Variants in COL19A1 observed in about 807,000 individuals in gnomAD.
COL19A1 encodes collagen alpha-1(XIX) chain.
COL19A1 carries 159 observed loss-of-function variants against 190.2 expected under a neutral mutation model. That is an observed-to-expected ratio of 0.84 (90% confidence interval 0.73 to 0.95). The LOEUF (loss-of-function observed/expected upper bound fraction) is 0.95. COL19A1 is among the 40% of genes least tolerant of loss of function. The probability of loss-of-function intolerance (pLI) is 0.00; values close to 1 mark genes in which losing one functional copy is unlikely to be tolerated. For missense variants in COL19A1, 1,418 were observed against 1,431.9 expected (o/e 0.99, Z 0.16); for synonymous variants, 509 against 458.9 (o/e 1.11, Z -1.39).
chr6:70,165,810 C>A, intron 36 of COL19A1, 131 bp from the exon 37 acceptor site: 1 of 843,602 alleles, frequency 1.2e-6, no homozygotes, highest in Non-Finnish European at 2.0e-6. Context: ...CTGAATAAGA[C>A]TACAAGGCTG....
At chr6:70,045,886 T>C (rs1339941845) in intron 14 of COL19A1, among the ~76,000 whole-genome samples, 1 of 152,202 alleles carries the variant, frequency 6.6e-6, no homozygotes, top group Non-Finnish European at 1.5e-5. Flanking sequence ...AACAGAAAAC[T>C]GACTCCATGC....
chr6:70,092,805 A>G (rs1783011503), intron 15 of COL19A1, among the ~76,000 whole-genome samples: 1 of 152,168 alleles, frequency 6.6e-6, no homozygotes, highest in African/African-American at 2.4e-5. Context: ...GTAACTCAGA[A>G]ATACTGAAAC....
At chr6:70,176,339 A>G (rs944211343) in intron 41 of COL19A1, among the ~76,000 whole-genome samples, 181 bp from the exon 42 acceptor site, 5 of 152,062 alleles carry the variant, frequency 3.3e-5, no homozygotes, top group African/African-American at 9.7e-5. Flanking sequence ...TCAGTTGTCA[A>G]TTAGCTACTC....
At chr6:70,082,079 T>C (rs1157518652) in intron 15 of COL19A1, among the ~76,000 whole-genome samples, 1 of 152,188 alleles carries the variant, frequency 6.6e-6, no homozygotes, top group African/African-American at 2.4e-5. Context: ...ATTTAACAAG[T>C]TTGATAAAAC....
intron 11 of COL19A1, 142 bp downstream of exon 11, chr6:69,963,012 T>C (rs909235849): frequency 1.9e-5 from 10 of 533,558 alleles, no homozygotes; most frequent in African/African-American, 1.2e-4. Flanking sequence ...TTTGCTTCCA[T>C]TGAGGTAGAA....
intron 16 of COL19A1, among the ~76,000 whole-genome samples, chr6:70,106,638 T>C (rs1783988855): frequency 1.3e-5 from 2 of 152,200 alleles, no homozygotes; most frequent in South Asian, 4.1e-4. Context: ...CATTGAACAG[T>C]GACTAACCTG....
chr6:69,981,591 A>C (rs942650813), intron 11 of COL19A1, among the ~76,000 whole-genome samples: 2 of 152,010 alleles, frequency 1.3e-5, no homozygotes, highest in African/African-American at 2.4e-5. Context: ...AAGAAATTAA[A>C]AAGTGAGAGG....
chr6:69,912,259 A>G (rs1027702714), intron 4 of COL19A1, among the ~76,000 whole-genome samples: 1 of 152,136 alleles, frequency 6.6e-6, no homozygotes, highest in Non-Finnish European at 1.5e-5. Flanking sequence ...TAATTCTTAC[A>G]TAATTCTGAT....
rs1041880812 is a variant in COL19A1 at position 69,962,440 on chromosome 6, A to T, written c.982-386A>T. Among the ~76,000 whole-genome samples the T allele has an allele frequency of 3.9e-4, 60 of 152,246 alleles. 1 individual carries two copies. Among genetic ancestry groups the T allele is most frequent in the Admixed American group, 3.9e-3 (60 of 15,280 alleles). Reference sequence around the variant, plus strand: ...CTTTCTAAGAAGGCTGTTTCCACTGAATCTAGTAAAATAAATAGTAATTAT... The same window carrying T: ...CTTTCTAAGAAGGCTGTTTCCACTGTATCTAGTAAAATAAATAGTAATTAT... On this transcript the variant is annotated intron_variant, in intron 10 of 50. Coordinates refer to ENST00000620364, the MANE Select transcript of COL19A1 (RefSeq NM_001858.6).
intron 14 of COL19A1, among the ~76,000 whole-genome samples, chr6:70,037,219 G>A (rs150462835): frequency 0.017 from 2,515 of 151,998 alleles, 60 homozygotes; most frequent in African/African-American, 0.056. Flanking sequence ...ACAGTGGCAC[G>A]ATCTCGGCTC....
intron 1 of COL19A1, among the ~76,000 whole-genome samples, chr6:69,877,045 G>C (rs1768171352): frequency 6.6e-6 from 1 of 152,182 alleles, no homozygotes. Flanking sequence ...GAATACCAAA[G>C]AAGATGGTGG....
chr6:70,027,625 A>G (rs1778798554), intron 12 of COL19A1, among the ~76,000 whole-genome samples: 1 of 149,676 alleles, frequency 6.7e-6, no homozygotes, highest in Non-Finnish European at 1.5e-5. Context: ...TGTCTGTGGT[A>G]TTACTAAACA....
At chr6:70,149,678 A>C (rs1477986747) in intron 27 of COL19A1, 26 bp from the exon 28 acceptor site, 1 of 1,610,840 alleles carries the variant, frequency 6.2e-7, no homozygotes. Flanking sequence ...GTGGAATTTT[A>C]ATAATAAAAT....
intron 30 of COL19A1, among the ~76,000 whole-genome samples, 158 bp downstream of exon 30, chr6:70,150,203 A>T (rs1270261658): frequency 1.3e-5 from 2 of 152,180 alleles, no homozygotes; most frequent in Non-Finnish European, 2.9e-5. Context: ...AAAAAAATTC[A>T]GGCTGGATCA....
At chr6:70,102,103 A>ATAT in intron 15 of COL19A1, 66 bp from the exon 16 acceptor site, 1 of 1,224,418 alleles carries the variant, frequency 8.2e-7, no homozygotes, top group Non-Finnish European at 1.2e-6. Flanking sequence ...TTCCCATTTA[A>ATAT]TATTGTTTGA....
chr6:70,034,356 GC>G, intron 13 of COL19A1, 58 bp downstream of exon 13: 1 of 1,290,702 alleles, frequency 7.7e-7, no homozygotes, highest in East Asian at 2.3e-5. Flanking sequence ...GACAACCTAT[GC>G]AGTGACTTCT....
rs572589187 is a variant in COL19A1 at position 70,207,402 on chromosome 6, C to A, written c.*128C>A. On this transcript the variant is annotated 3_prime_UTR_variant, in exon 51 of 51. Coordinates refer to ENST00000620364, the MANE Select transcript of COL19A1 (RefSeq NM_001858.6). ...TTTTTTTTTTTGGGAGTAAGCCAGGCATTAAAAGCAACCGTTTGAATCCTA... is the reference window on the plus strand; with the variant it reads ...TTTTTTTTTTTGGGAGTAAGCCAGGAATTAAAAGCAACCGTTTGAATCCTA... The A allele has an allele frequency of 1.1e-6, 1 of 911,126 alleles. No homozygotes were observed. Among genetic ancestry groups the A allele is most frequent in the Non-Finnish European group, 1.5e-6 (1 of 668,598 alleles). The allele number at this position is 911,126 out of a possible 1,614,324, so 56.4% of individuals were successfully genotyped here. A position where few individuals can be genotyped will look rare whatever the true frequency, so the allele number is the denominator to read the frequency against.
rs140579924 is a variant in COL19A1, at chr6:70,198,930, C to T, written c.3095-678C>T. 2.7e-3 allele frequency among the ~76,000 whole-genome samples: 418 copies of T among 152,242 alleles called. 2 individuals are homozygous for T. Among genetic ancestry groups the T allele is most frequent in the African/African-American group, 9.2e-3 (383 of 41,552 alleles). ...GATGATCTGCTTCCAAGTTCATGTG[C>T]GTGGCCACTGGCAGGTAGCATCAGT... On this transcript the variant is annotated intron_variant, in intron 48 of 50. Coordinates refer to ENST00000620364, the MANE Select transcript of COL19A1 (RefSeq NM_001858.6).
At chr6:70,099,846 C>T (rs1041894296) in intron 15 of COL19A1, among the ~76,000 whole-genome samples, 2 of 152,166 alleles carry the variant, frequency 1.3e-5, no homozygotes, top group African/African-American at 4.8e-5. Context: ...CTTCTCTCTG[C>T]CCTCTTCCAG....
Sources: allele counts gnomAD v4.1 joint callset (sites outside exome capture counted in the v4.1 genomes callset), GRCh38; gene constraint gnomAD v4.1.1; transcripts MANE v1.5; gene names NCBI Gene and HGNC (gene_info 2026-07-23, HGNC 2026-07-21).